The following NLGN4X variants were observed in gnomAD, a reference collection of about 807,000 sequenced individuals.
NLGN4X encodes the protein neuroligin 4 X-linked.
Under a neutral mutation model 40.3 loss-of-function variants are expected in NLGN4X, and 3 were observed. That is an observed-to-expected ratio of 0.07 (90% CI 0.03 to 0.19). The LOEUF is 0.19. NLGN4X is among the 10% of genes least tolerant of loss of function. The probability of loss-of-function intolerance (pLI) is 1.00; values close to 1 mark genes in which losing one functional copy is unlikely to be tolerated. For missense variants in NLGN4X, 382 were observed against 708.3 expected, an observed-to-expected ratio of 0.54 and a Z score of 5.23; for synonymous variants, 270 against 306.8, an observed-to-expected ratio of 0.88 and a Z score of 1.25.
chrX:6,193,895 G>C (rs928138145), intron 1 of NLGN4X, among the ~76,000 whole-genome samples: 36 of 112,435 alleles, frequency 3.2e-4, no homozygotes, highest in African/African-American at 1.2e-3. Flanking sequence ...TCTGCAAAAT[G>C]TGTGAAAAGA....
chrX:6,226,409 C>G (rs1439978687), intron 1 of NLGN4X, among the ~76,000 whole-genome samples: 2 of 111,026 alleles, frequency 1.8e-5, no homozygotes, highest in East Asian at 2.9e-4. Context: ...GCAGAACATC[C>G]GTTCCCAGGG....
chrX:6,105,307 T>A (rs891182679), intron 2 of NLGN4X, among the ~76,000 whole-genome samples: 11 of 111,741 alleles, frequency 9.8e-5, no homozygotes, highest in African/African-American at 3.6e-4. Context: ...GTGATCCACC[T>A]GCCTTGGCCT....
chrX:5,950,986 C>T (rs1368950165), intron 3 of NLGN4X, among the ~76,000 whole-genome samples: 3 of 112,147 alleles, frequency 2.7e-5, no homozygotes, highest in South Asian at 3.7e-4. Context: ...GCTGTGGCTA[C>T]GAATCAGAAT....
At chrX:6,026,832 G>GT (rs918320636) in intron 3 of NLGN4X, among the ~76,000 whole-genome samples, 6 of 109,611 alleles carry the variant, frequency 5.5e-5, no homozygotes, top group African/African-American at 1.7e-4. Flanking sequence ...TTTTCAATTA[G>GT]TTTTTTTTTC....
At chrX:6,117,115 A>G (rs770915717) in intron 2 of NLGN4X, among the ~76,000 whole-genome samples, 2 of 111,154 alleles carry the variant, frequency 1.8e-5, no homozygotes, top group South Asian at 3.8e-4. Context: ...CATTCATCTT[A>G]AGGAGCTCAC....
intron 3 of NLGN4X, among the ~76,000 whole-genome samples, chrX:5,981,724 C>A (rs1446499969): frequency 1.8e-5 from 2 of 111,021 alleles, no homozygotes; most frequent in Non-Finnish European, 3.8e-5. Context: ...TGCTCTAAGA[C>A]TGATTGATAG....
intron 1 of NLGN4X, among the ~76,000 whole-genome samples, chrX:6,162,990 GT>G (rs760495093): frequency 9.0e-6 from 1 of 111,520 alleles, no homozygotes; most frequent in East Asian, 2.8e-4. Context: ...CAAGAGGGCA[GT>G]TTCCCCCATA....
At chrX:6,195,406 C>T (rs946934732) in intron 1 of NLGN4X, among the ~76,000 whole-genome samples, 8 of 112,070 alleles carry the variant, frequency 7.1e-5, no homozygotes, top group African/African-American at 2.6e-4. Flanking sequence ...TTGAGACCAT[C>T]ATTTCTCTCC....
At chrX:6,215,863 G>A (rs1344287006) in intron 1 of NLGN4X, among the ~76,000 whole-genome samples, 1 of 99,030 alleles carries the variant, frequency 1.0e-5, no homozygotes, top group African/African-American at 3.8e-5. Flanking sequence ...GATGTGGAGA[G>A]TAAATACTCA....
chrX:5,990,363 C>G (rs764988133), intron 3 of NLGN4X, among the ~76,000 whole-genome samples: 6 of 110,854 alleles, frequency 5.4e-5, no homozygotes, highest in Middle Eastern at 4.6e-3. Context: ...AGAAAAAGTA[C>G]GAGCTTGCAG....
chrX:6,063,875 T>C (rs2037834570), intron 2 of NLGN4X, among the ~76,000 whole-genome samples: 1 of 112,246 alleles, frequency 8.9e-6, no homozygotes, highest in African/African-American at 3.2e-5. Flanking sequence ...TAGGAAGTCC[T>C]TGTCCTTCCA....
At chrX:6,102,916 T>C (rs1442494760) in intron 2 of NLGN4X, among the ~76,000 whole-genome samples, 1 of 111,437 alleles carries the variant, frequency 9.0e-6, no homozygotes, top group African/African-American at 3.3e-5. Flanking sequence ...ATTTAGTCAA[T>C]TGTATGAGTA....
At chrX:5,958,314 T>C (rs908501386) in intron 3 of NLGN4X, among the ~76,000 whole-genome samples, 4 of 110,323 alleles carry the variant, frequency 3.6e-5, no homozygotes, top group Non-Finnish European at 5.6e-5. Context: ...TAAGTTTAAA[T>C]AGGTACTGTC....
At chrX:6,034,232 C>A (rs921561406) in intron 2 of NLGN4X, among the ~76,000 whole-genome samples, 1 of 112,188 alleles carries the variant, frequency 8.9e-6, no homozygotes, top group African/African-American at 3.2e-5. Flanking sequence ...TAAATGAACT[C>A]ATATAATATG....
At position 6,151,056 on chromosome X, in the gene NLGN4X, G is replaced by A. The variant is rs779110176; in HGVS notation, c.411C>T (p.Thr137=). ...AGTCTTCATTTTGATCTTGAACATA[G>A]GTCATCAAAGTATCCAAATTGGCGG... ...WFTANLDTLM[T]YVQDQNEDCL... The change falls in exon 2 of 6, where the codon ACC becomes ACT. Residue 137 remains threonine (T), a synonymous_variant. Coordinates refer to ENST00000381095, the MANE Select transcript of NLGN4X (RefSeq NM_181332.3). 2.0e-4 allele frequency: 247 copies of A among 1,210,260 alleles called. No homozygotes were observed. Among genetic ancestry groups the A allele is most frequent in the Non-Finnish European group, 2.7e-4 (239 of 895,238 alleles).
intron 3 of NLGN4X, among the ~76,000 whole-genome samples, chrX:5,921,934 C>G (rs183348242): frequency 0.017 from 1,935 of 111,048 alleles, 47 homozygotes; most frequent in African/African-American, 0.059. Context: ...CTCAGGCTTT[C>G]CTGTCTTACT....
chrX:6,072,386 G>A (rs140928142), intron 2 of NLGN4X, among the ~76,000 whole-genome samples: 391 of 111,003 alleles, frequency 3.5e-3, no homozygotes, highest in African/African-American at 0.011. Flanking sequence ...CCCTCAAAGT[G>A]TACGTGATAG....
intron 3 of NLGN4X, among the ~76,000 whole-genome samples, chrX:5,957,097 A>G (rs181175287): frequency 1.8e-5 from 2 of 111,719 alleles, no homozygotes; most frequent in African/African-American, 3.3e-5. Context: ...ACCCAAACAT[A>G]TATCTCCAGA....
intron 2 of NLGN4X, among the ~76,000 whole-genome samples, chrX:6,122,880 C>T (rs1007860636): frequency 9.3e-6 from 1 of 107,042 alleles, no homozygotes; most frequent in African/African-American, 3.4e-5. Flanking sequence ...AGGATACCCA[C>T]AAACAATGCA....
Sources: allele counts gnomAD v4.1 joint callset (sites outside exome capture counted in the v4.1 genomes callset), GRCh38; gene constraint gnomAD v4.1.1; transcripts MANE v1.5; gene names NCBI Gene and HGNC (gene_info 2026-07-23, HGNC 2026-07-21).